Variants in OSBPL2 observed in about 807,000 individuals in gnomAD.
The protein encoded by OSBPL2 is oxysterol binding protein like 2.
OSBPL2 carries 18 observed loss-of-function variants against 58.4 expected under a neutral mutation model. The ratio of observed to expected loss-of-function variants is 0.31; its 90% CI spans 0.21 to 0.46. The LOEUF (loss-of-function observed/expected upper bound fraction) is 0.46, where lower values mean the gene tolerates loss of function less well. Among genes scored for constraint, OSBPL2 ranks in the 20% least tolerant of loss-of-function variants. OSBPL2 has a pLI of 1.00. For synonymous variants in OSBPL2, 221 were observed against 234.1 expected (o/e 0.94, Z 0.51); for missense variants, 461 against 616.5 (o/e 0.75, Z 2.67).
intron 12 of OSBPL2, among the ~76,000 whole-genome samples, chr20:62,290,808 G>A (rs1417019060): frequency 1.4e-5 from 2 of 147,134 alleles, no homozygotes; most frequent in Non-Finnish European, 3.0e-5. Context: ...GCGTGATCTC[G>A]GCTCACTGCA....
Position 62,269,815 on chromosome 20 carries a change from G to A in OSBPL2, c.259-2310G>A, listed in dbSNP as rs567885464. ...GGTCACCTCTCTTCCTGCTTTCCTC[G>A]GCAGCCACATTCCCTTGTGCAGTCT... On this transcript the variant is annotated intron_variant, in intron 4 of 13. Transcript: ENST00000313733. The surrounding 1 kb of genome is among the most constrained non-coding windows in gnomAD (Gnocchi z 4.2). Among the ~76,000 whole-genome samples, 2 of 152,282 alleles carry A rather than the reference G, an allele frequency of 1.3e-5. No homozygotes were observed. The highest frequency in any genetic ancestry group is 6.5e-5 in the Admixed American group (1 of 15,306).
rs114719985 is a variant in OSBPL2 at position 62,240,191 on chromosome 20, C to T, written c.-129+1594C>T. Among the ~76,000 whole-genome samples, 1,214 of 152,192 alleles carry T rather than the reference C, an allele frequency of 8.0e-3. 11 individuals carry two copies. The highest frequency in any genetic ancestry group is 0.028 in the African/African-American group (1,159 of 41,494). On this transcript the variant is annotated intron_variant, in intron 1 of 13. Coordinates refer to ENST00000313733, the MANE Select transcript of OSBPL2 (RefSeq NM_144498.4). ...CTACCACAGTCTCTGACACCTAGTGCGCACCCCGGAATGCCAGTTACCTTC... is the reference window on the plus strand; with the variant it reads ...CTACCACAGTCTCTGACACCTAGTGTGCACCCCGGAATGCCAGTTACCTTC...
At chr20:62,246,859 G>A (rs925433247) in intron 1 of OSBPL2, among the ~76,000 whole-genome samples, 2 of 152,190 alleles carry the variant, frequency 1.3e-5, no homozygotes, top group African/African-American at 4.8e-5. Flanking sequence ...AGACCTTTCT[G>A]TTCTTTAATT....
chr20:62,257,621 A>G (rs1375547254), intron 2 of OSBPL2, among the ~76,000 whole-genome samples: 3 of 151,740 alleles, frequency 2.0e-5, no homozygotes, highest in African/African-American at 7.3e-5. Context: ...CAGAGAGCGC[A>G]GCCTTGAGGT....
At chr20:62,293,056 A>G (rs1438571905) in intron 13 of OSBPL2, among the ~76,000 whole-genome samples, 4 of 149,896 alleles carry the variant, frequency 2.7e-5, no homozygotes, top group Non-Finnish European at 5.9e-5. Flanking sequence ...TTGTATTTTT[A>G]GTAGAGACGG....
chr20:62,259,095 C>T (rs940723040), intron 2 of OSBPL2: 1 of 152,294 alleles, frequency 6.6e-6, no homozygotes, highest in East Asian at 1.9e-4. Context: ...GCTTGTGCCC[C>T]TCACGTGGAG....
intron 12 of OSBPL2, among the ~76,000 whole-genome samples, chr20:62,289,574 C>T (rs140548948): frequency 6.6e-6 from 1 of 152,330 alleles, no homozygotes; most frequent in Non-Finnish European, 1.5e-5. Flanking sequence ...ATTAAAATTA[C>T]ATTACTAGAA....
intron 5 of OSBPL2, 128 bp from the exon 6 acceptor site, chr20:62,273,181 A>T: frequency 1.3e-6 from 1 of 748,944 alleles, no homozygotes; most frequent in Non-Finnish European, 2.3e-6. Context: ...TGCTCGGGGA[A>T]AACTGAAAAC....
intron 1 of OSBPL2, among the ~76,000 whole-genome samples, chr20:62,251,806 T>C (rs999618756): frequency 6.7e-6 from 1 of 150,140 alleles, no homozygotes; most frequent in Non-Finnish European, 1.5e-5. Flanking sequence ...TGAAATCCTG[T>C]CTGCCTGTGT....
intron 1 of OSBPL2, among the ~76,000 whole-genome samples, chr20:62,247,727 T>C (rs1247153732): frequency 6.7e-6 from 1 of 149,882 alleles, no homozygotes; most frequent in African/African-American, 2.5e-5. Flanking sequence ...AGTGCAGTGG[T>C]GCAATCTCAG....
chr20:62,267,883 T>TTTTTA (rs1981789013), intron 4 of OSBPL2, among the ~76,000 whole-genome samples: 1 of 151,188 alleles, frequency 6.6e-6, no homozygotes, highest in Admixed American at 6.6e-5. Context: ...CTGCATTATT[T>TTTTTA]TTTATTTATT....
chr20:62,290,258 C>T (rs540920556), intron 12 of OSBPL2, among the ~76,000 whole-genome samples: 6 of 152,234 alleles, frequency 3.9e-5, no homozygotes, highest in African/African-American at 4.8e-5. Context: ...TGTTTAGAGT[C>T]GGGATCTCAC....
chr20:62,254,682 C>G (rs2145925696), intron 1 of OSBPL2, among the ~76,000 whole-genome samples: 1 of 152,380 alleles, frequency 6.6e-6, no homozygotes, highest in East Asian at 1.9e-4. Context: ...CGCCCTCACC[C>G]TCAGAACTGT....
chr20:62,242,565 T>C (rs1355059144), intron 1 of OSBPL2: 2 of 152,252 alleles, frequency 1.3e-5, no homozygotes, highest in Admixed American at 1.3e-4. Flanking sequence ...GGATCAGTCC[T>C]GTTGAGCTAG....
chr20:62,248,892 T>A (rs1044936396), intron 1 of OSBPL2, among the ~76,000 whole-genome samples: 1 of 152,026 alleles, frequency 6.6e-6, no homozygotes, highest in African/African-American at 2.4e-5. Context: ...ACAGACAGTA[T>A]CTCACTGTGT....
chr20:62,284,368 C>T, intron 10 of OSBPL2, 199 bp downstream of exon 10: 1 of 576,268 alleles, frequency 1.7e-6, no homozygotes. Context: ...ATCTGTATTT[C>T]TTTCCATTTT....
chr20:62,282,595 G>A (rs1982862791), intron 9 of OSBPL2, among the ~76,000 whole-genome samples: 1 of 152,204 alleles, frequency 6.6e-6, no homozygotes, highest in Non-Finnish European at 1.5e-5. Context: ...TCACTTCTGA[G>A]GTGGGCAGAT....
chr20:62,269,594 C>T lies in OSBPL2; in HGVS notation c.259-2531C>T, dbSNP rs936542467. Reference sequence around the variant, plus strand: ...CCACCGGCCGCACTTCCCGGCCTCCCTGGTCCCAATCTCTGGCCGCTGTGG... The same window carrying T: ...CCACCGGCCGCACTTCCCGGCCTCCTTGGTCCCAATCTCTGGCCGCTGTGG... On this transcript the variant is annotated intron_variant, in intron 4 of 13. Transcript: ENST00000313733. This position sits in a 1 kb window ranked among gnomAD's most constrained non-coding sequence, Gnocchi z 4.2. Among the ~76,000 whole-genome samples, 1 of 152,258 alleles carries T rather than the reference C, an allele frequency of 6.6e-6. No individual in the cohort carries two copies. The highest frequency in any genetic ancestry group is 1.5e-5 in the Non-Finnish European group (1 of 68,040).
At chr20:62,266,196 C>G (rs1379152083) in intron 4 of OSBPL2, among the ~76,000 whole-genome samples, 3 of 152,080 alleles carry the variant, frequency 2.0e-5, no homozygotes, top group Non-Finnish European at 4.4e-5. Flanking sequence ...TATTGCATTC[C>G]CTAGGTGAGG....
Sources: allele counts gnomAD v4.1 joint callset (sites outside exome capture counted in the v4.1 genomes callset), GRCh38; gene constraint gnomAD v4.1.1; non-coding constraint Gnocchi (gnomAD v3.1); transcripts MANE v1.5; gene names NCBI Gene and HGNC (gene_info 2026-07-23, HGNC 2026-07-21).